ATG5: variants seen among roughly 807,000 people sequenced by gnomAD.
ATG5 encodes autophagy protein 5.
ATG5 carries 14 observed loss-of-function variants against 36.5 expected under a neutral mutation model. That is an observed-to-expected ratio of 0.38 (90% CI 0.25 to 0.60). ATG5 has a LOEUF of 0.60. Among genes scored for constraint, ATG5 ranks in the 20% least tolerant of loss-of-function variants. The probability of loss-of-function intolerance (pLI) is 0.60; values close to 1 mark genes in which losing one functional copy is unlikely to be tolerated. For missense variants in ATG5, 195 were observed against 326.7 expected, an observed-to-expected ratio of 0.60 and a Z score of 3.11; for synonymous variants, 95 against 101.5, an observed-to-expected ratio of 0.94 and a Z score of 0.38.
intron 6 of ATG5, among the ~76,000 whole-genome samples, chr6:106,218,656 G>A (rs757011553): frequency 3.3e-5 from 5 of 151,984 alleles, no homozygotes; most frequent in East Asian, 1.9e-4. Flanking sequence ...TGAAGCATCC[G>A]CAGCTAAAAT....
intron 6 of ATG5, among the ~76,000 whole-genome samples, chr6:106,216,507 T>C (rs1341593875): frequency 6.6e-6 from 1 of 152,098 alleles, no homozygotes; most frequent in Non-Finnish European, 1.5e-5. Flanking sequence ...AGGCCATATA[T>C]TACATGATGC....
chr6:106,282,792 A>G (rs1779930828), intron 4 of ATG5, among the ~76,000 whole-genome samples: 1 of 151,902 alleles, frequency 6.6e-6, no homozygotes, highest in Non-Finnish European at 1.5e-5. Context: ...ACATGGATTG[A>G]GATTTTTTTA....
chr6:106,290,318 T>G (rs1438170507), intron 4 of ATG5, among the ~76,000 whole-genome samples: 3 of 151,738 alleles, frequency 2.0e-5, no homozygotes. Flanking sequence ...TCATTCATTC[T>G]TTCATTCGTT....
chr6:106,266,437 C>T (rs1384025388), intron 5 of ATG5, among the ~76,000 whole-genome samples: 24 of 152,206 alleles, frequency 1.6e-4, no homozygotes, highest in Admixed American at 1.6e-3. Flanking sequence ...CTGGTACCAC[C>T]ATTCCTTCTG....
chr6:106,187,931 C>T (rs1218393915), intron 7 of ATG5, among the ~76,000 whole-genome samples: 2 of 152,108 alleles, frequency 1.3e-5, no homozygotes, highest in African/African-American at 4.8e-5. Context: ...CCAAAGATAA[C>T]CAAATAAAAC....
At chr6:106,241,975 C>T (rs560067237) in intron 6 of ATG5, among the ~76,000 whole-genome samples, 1 of 152,118 alleles carries the variant, frequency 6.6e-6, no homozygotes, top group South Asian at 2.1e-4. Context: ...CTGGAGAATG[C>T]TAATACACCC....
chr6:106,213,499 A>G (rs1420003672), intron 6 of ATG5, among the ~76,000 whole-genome samples: 4 of 152,230 alleles, frequency 2.6e-5, no homozygotes, highest in Non-Finnish European at 5.9e-5. Context: ...GAGGGAATAT[A>G]GAAGGTCTTC....
intron 5 of ATG5, among the ~76,000 whole-genome samples, chr6:106,268,576 T>A (rs566676723): frequency 3.3e-5 from 5 of 152,136 alleles, no homozygotes; most frequent in Non-Finnish European, 7.4e-5. Context: ...CACATGCAAA[T>A]GTATGTTTAC....
chr6:106,256,797 T>C (rs1385789242), intron 5 of ATG5, among the ~76,000 whole-genome samples: 1 of 152,106 alleles, frequency 6.6e-6, no homozygotes, highest in Non-Finnish European at 1.5e-5. Flanking sequence ...AACAAGTGAG[T>C]GATGAGTGAA....
chr6:106,249,966 T>C (rs1778503462), intron 5 of ATG5, among the ~76,000 whole-genome samples: 1 of 152,238 alleles, frequency 6.6e-6, no homozygotes, highest in South Asian at 2.1e-4. Flanking sequence ...TGTTGAGTTA[T>C]AAGAGTTCTT....
At chr6:106,317,086 T>C (rs1247854464) in intron 1 of ATG5, among the ~76,000 whole-genome samples, 1 of 152,178 alleles carries the variant, frequency 6.6e-6, no homozygotes, top group African/African-American at 2.4e-5. Flanking sequence ...AGGTATGGCA[T>C]AAGGACATGG....
intron 6 of ATG5, among the ~76,000 whole-genome samples, chr6:106,216,967 A>C (rs1777064968): frequency 6.6e-6 from 1 of 152,110 alleles, no homozygotes; most frequent in South Asian, 2.1e-4. Flanking sequence ...TTATTAAAAA[A>C]AAAAAAGTTA....
At position 106,279,794 on chromosome 6, in the gene ATG5, A is replaced by C; in HGVS notation, c.345T>G (p.Cys115Trp). ...KSFPEKDLLH[C>W]PSKDAIEAHF... Reference sequence around the variant, plus strand: ...GAGCTTCAATTGCATCCTTAGATGGACAGTGCAGAAGGTCTTTTTCTGGAA... The same window carrying C: ...GAGCTTCAATTGCATCCTTAGATGGCCAGTGCAGAAGGTCTTTTTCTGGAA... The change falls in exon 5 of 8, where the codon TGT (cysteine) becomes TGG (tryptophan). Residue 115 changes from cysteine to tryptophan, a missense_variant. Transcript: ENST00000369076. The C allele has an allele frequency of 6.3e-7, 1 of 1,599,176 alleles. No individual in the cohort carries two copies. The highest frequency in any genetic ancestry group is 8.5e-7 in the Non-Finnish European group (1 of 1,172,644).
intron 6 of ATG5, among the ~76,000 whole-genome samples, chr6:106,227,677 C>CTG (rs915906955): frequency 1.9e-4 from 29 of 152,302 alleles, no homozygotes; most frequent in African/African-American, 7.0e-4. Flanking sequence ...GTGCTTAAGA[C>CTG]TGTAGATCAA....
intron 5 of ATG5, among the ~76,000 whole-genome samples, chr6:106,271,317 T>C (rs548391408): frequency 5.3e-5 from 8 of 152,218 alleles, no homozygotes; most frequent in Admixed American, 2.6e-4. Context: ...TCCAACATGA[T>C]AGATAAAGTG....
intron 1 of ATG5, among the ~76,000 whole-genome samples, chr6:106,318,699 A>G (rs1582695626): frequency 6.6e-6 from 1 of 152,220 alleles, no homozygotes; most frequent in Non-Finnish European, 1.5e-5. Context: ...AAATGTTGCA[A>G]AACAAACAAA....
chr6:106,279,631 T>A (rs1429805742), intron 5 of ATG5, 30 bp downstream of exon 5: 1 of 1,410,982 alleles, frequency 7.1e-7, no homozygotes, highest in African/African-American at 1.5e-5. Flanking sequence ...TATAAAGTGG[T>A]ATTCTAAAAT....
chr6:106,316,193 C>CT lies in ATG5; in HGVS notation c.15dup (p.Asp6ArgfsTer21). ...CCAAACCACACATCTCGAAGCACATCTTTGTCATCTGTCATTCTTCCAGGA... is the reference window on the plus strand; with the variant it reads ...CCAAACCACACATCTCGAAGCACATCTTTTGTCATCTGTCATTCTTCCAGGA... On this transcript the variant is annotated frameshift_variant, in exon 2 of 8. Coordinates refer to ENST00000369076, the MANE Select transcript of ATG5 (RefSeq NM_004849.4). LOFTEE classifies it high-confidence loss of function. 6.2e-7 allele frequency: 1 copy of CT among 1,613,572 alleles called. No homozygotes were observed. Among genetic ancestry groups the CT allele is most frequent in the Non-Finnish European group, 8.5e-7 (1 of 1,179,674 alleles).
At chr6:106,246,251 G>A (rs1778324346) in intron 6 of ATG5, among the ~76,000 whole-genome samples, 2 of 151,978 alleles carry the variant, frequency 1.3e-5, no homozygotes, top group Non-Finnish European at 2.9e-5. Flanking sequence ...CAAGCAGGAG[G>A]TTCTGCCGAG....
Sources: gnomAD v4.1 joint callset for allele counts (sites outside exome capture counted in the v4.1 genomes callset) on GRCh38, gnomAD v4.1.1 for gene constraint, MANE v1.5 for transcripts, NCBI Gene and HGNC (gene_info 2026-07-23, HGNC 2026-07-21) for gene names.